The following TBL1XR1 variants were observed in gnomAD, a reference collection of about 807,000 sequenced individuals.
TBL1XR1 encodes F-box-like/WD repeat-containing protein TBL1XR1.
TBL1XR1 carries 5 observed loss-of-function variants against 66.9 expected under a neutral mutation model. That is an observed-to-expected ratio of 0.07 (90% CI 0.04 to 0.16). The LOEUF is 0.16. Among genes scored for constraint, TBL1XR1 ranks in the 10% least tolerant of loss-of-function variants. The pLI is 1.00. For missense variants in TBL1XR1, 238 were observed against 623.2 expected (o/e 0.38, Z 6.58); for synonymous variants, 210 against 206.0 (o/e 1.02, Z -0.17).
chr3:177,054,036 G>C (rs1001502177), intron 3 of TBL1XR1, 118 bp from the exon 4 acceptor site: 10 of 1,083,498 alleles, frequency 9.2e-6, no homozygotes, highest in Middle Eastern at 4.4e-4. Flanking sequence ...TAAAATCCCA[G>C]ACGAAGGTCG....
At chr3:177,134,979 C>CTGTG (rs1455104135) in intron 1 of TBL1XR1, among the ~76,000 whole-genome samples, 71 of 48,284 alleles carry the variant, frequency 1.5e-3, no homozygotes, top group South Asian at 0.011. Context: ...GTGTGTGTGT[C>CTGTG]TGTGTGTGTG....
chr3:177,187,701 T>A (rs936270846), intron 1 of TBL1XR1, among the ~76,000 whole-genome samples: 1 of 151,934 alleles, frequency 6.6e-6, no homozygotes, highest in Admixed American at 6.6e-5. Flanking sequence ...CTTTACAATG[T>A]CCCGCTCTCC....
chr3:177,083,885 C>A (rs945210058), intron 2 of TBL1XR1, among the ~76,000 whole-genome samples: 1 of 151,598 alleles, frequency 6.6e-6, no homozygotes, highest in Admixed American at 6.6e-5. Context: ...GTCAGGAGTT[C>A]GAGATCAGCC....
chr3:177,131,255 AAC>A, intron 1 of TBL1XR1: 1 of 738,980 alleles, frequency 1.4e-6, no homozygotes, highest in Non-Finnish European at 1.7e-6. Context: ...GACACATAGC[AAC>A]ACACACAAAA....
intron 1 of TBL1XR1, among the ~76,000 whole-genome samples, chr3:177,178,723 A>G (rs778818329): frequency 6.6e-6 from 1 of 152,146 alleles, no homozygotes; most frequent in Non-Finnish European, 1.5e-5. Flanking sequence ...AGGAGATGGG[A>G]CCATATTTTA....
chr3:177,126,578 T>C (rs945592732), intron 1 of TBL1XR1, among the ~76,000 whole-genome samples: 10 of 152,180 alleles, frequency 6.6e-5, no homozygotes, highest in Admixed American at 5.2e-4. Context: ...GCTTATTCCT[T>C]TGAACCTAAG....
At chr3:177,076,954 T>C (rs1311081417) in intron 2 of TBL1XR1, among the ~76,000 whole-genome samples, 1 of 152,242 alleles carries the variant, frequency 6.6e-6, no homozygotes, top group Non-Finnish European at 1.5e-5. Flanking sequence ...TCACAAGATT[T>C]AAGAGACATT....
chr3:177,025,587 C>T (rs778296545), intron 15 of TBL1XR1, 63 bp from the exon 16 acceptor site: 22 of 1,487,262 alleles, frequency 1.5e-5, no homozygotes, highest in Non-Finnish European at 1.9e-5. Flanking sequence ...TTATGTTTAA[C>T]TTTTCTATAG....
chr3:177,046,381 C>T (rs1053123298), intron 9 of TBL1XR1, among the ~76,000 whole-genome samples, 192 bp from the exon 10 acceptor site: 4 of 152,016 alleles, frequency 2.6e-5, no homozygotes, highest in African/African-American at 7.2e-5. Flanking sequence ...TGATTCTTCC[C>T]TGATGATTTT....
chr3:177,033,837 C>G (rs1280505203), intron 13 of TBL1XR1, among the ~76,000 whole-genome samples: 1 of 151,970 alleles, frequency 6.6e-6, no homozygotes, highest in East Asian at 1.9e-4. Context: ...GAATGGAAAA[C>G]CAAATATCAT....
At position 177,050,626 on chromosome 3, in the gene TBL1XR1, CAAGT is replaced by C. The variant is rs778692990; in HGVS notation, c.428-20_428-17del. 6.2e-7 allele frequency: 1 copy of C among 1,613,220 alleles called. No individual in the cohort carries two copies. Among genetic ancestry groups the C allele is most frequent in the Admixed American group, 1.7e-5 (1 of 59,948 alleles). ...GTATGATTATCTGCATCGTGAAACA[CAAGT>C]AAGCATTTCCAGTTAGGCAGTATTA... On this transcript the variant is annotated splice_polypyrimidine_tract_variant and intron_variant, in intron 5 of 15. Coordinates refer to ENST00000457928, the MANE Select transcript of TBL1XR1 (RefSeq NM_024665.7).
At chr3:177,031,495 C>T (rs1713999970) in intron 14 of TBL1XR1, among the ~76,000 whole-genome samples, 1 of 151,522 alleles carries the variant, frequency 6.6e-6, no homozygotes, top group Admixed American at 6.6e-5. Flanking sequence ...CCACACCTGG[C>T]TAATTTTTGT....
chr3:177,051,583 A>G lies in TBL1XR1; in HGVS notation c.348T>C (p.Ala116=). Residue 116 remains alanine (A), a synonymous_variant, in exon 5 of 16, where the codon GCT becomes GCC. Transcript: ENST00000457928. ...TTGCAGATCCTTGTTGGCTGGCTGC[A>G]GCTGCGGCAGCTGCAGCAGCTGCTG... ...QQAAAAAAAA[A]AASQQGSAKN... 6.2e-7 allele frequency: 1 copy of G among 1,613,464 alleles called. No homozygotes were observed. The highest frequency in any genetic ancestry group is 8.5e-7 in the Non-Finnish European group (1 of 1,179,720).
chr3:177,055,726 G>A (rs1717724033), intron 3 of TBL1XR1, among the ~76,000 whole-genome samples: 1 of 152,066 alleles, frequency 6.6e-6, no homozygotes, highest in Non-Finnish European at 1.5e-5. Context: ...CTTAAGCAGT[G>A]AGGTTGGAGA....
At chr3:177,134,892 T>C (rs1358156134) in intron 1 of TBL1XR1, among the ~76,000 whole-genome samples, 1 of 151,868 alleles carries the variant, frequency 6.6e-6, no homozygotes. Flanking sequence ...TAATGATGGA[T>C]AATAAAAGCC....
At chr3:177,181,259 C>A (rs1374183793) in intron 1 of TBL1XR1, among the ~76,000 whole-genome samples, 2 of 151,990 alleles carry the variant, frequency 1.3e-5, no homozygotes, top group African/African-American at 4.8e-5. Context: ...GTGGGTGGAT[C>A]GCTTGAGGCC....
Position 177,139,963 on chromosome 3 carries a change from G to A in TBL1XR1, c.-121-41422C>T, listed in dbSNP as rs554711252. ...CTCATCTTCTAATCAGAAGTAACAGGTGCTAGAAGACAATATAGCAGTGTC... is the reference window on the plus strand; with the variant it reads ...CTCATCTTCTAATCAGAAGTAACAGATGCTAGAAGACAATATAGCAGTGTC... On this transcript the variant is annotated intron_variant, in intron 1 of 15. Coordinates refer to ENST00000457928, the MANE Select transcript of TBL1XR1 (RefSeq NM_024665.7). Among the ~76,000 whole-genome samples, 9 of 152,244 alleles carry A rather than the reference G, an allele frequency of 5.9e-5. No individual in the cohort carries two copies. In the South Asian group the frequency reaches 1.5e-3, roughly 25 times the overall value.
At position 177,022,610 on chromosome 3, in the gene TBL1XR1, T is replaced by C. The variant is rs1712529385; in HGVS notation, c.*2888A>G. Reference sequence around the variant, plus strand: ...TTTCCTTATGATAAGTTTCTTACAGTAGCTTATACAACAACAAATAGCATA... The same window carrying C: ...TTTCCTTATGATAAGTTTCTTACAGCAGCTTATACAACAACAAATAGCATA... On this transcript the variant is annotated 3_prime_UTR_variant, in exon 16 of 16. Transcript: ENST00000457928. 6.6e-6 allele frequency: 1 copy of C among 152,530 alleles called. No homozygotes were observed. The allele number at this position is 152,530 out of a possible 1,614,324, so 9.4% of individuals were successfully genotyped here.
intron 10 of TBL1XR1, among the ~76,000 whole-genome samples, chr3:177,043,970 T>A (rs570070504): frequency 6.6e-6 from 1 of 152,176 alleles, no homozygotes; most frequent in Non-Finnish European, 1.5e-5. Context: ...CCTACCTTTT[T>A]ACCTAAGATT....
Sources: allele counts gnomAD v4.1 joint callset (sites outside exome capture counted in the v4.1 genomes callset), GRCh38; gene constraint gnomAD v4.1.1; transcripts MANE v1.5; gene names NCBI Gene and HGNC (gene_info 2026-07-23, HGNC 2026-07-21).